The following CNTN4 variants were observed in gnomAD, a reference collection of about 807,000 sequenced individuals.
The protein encoded by CNTN4 is contactin-4.
In CNTN4, 77 loss-of-function variants were observed where a neutral mutation model predicts 122.5. The ratio of observed to expected loss-of-function variants is 0.63; its 90% CI spans 0.52 to 0.76. The LOEUF (loss-of-function observed/expected upper bound fraction) is 0.76, where lower values mean the gene tolerates loss of function less well. Ranked by LOEUF, CNTN4 falls within the 30% of genes least tolerant of loss-of-function variation. The probability of loss-of-function intolerance (pLI) is 0.00; values close to 1 mark genes in which losing one functional copy is unlikely to be tolerated. For missense variants in CNTN4, 1,256 were observed against 1,259.1 expected (o/e 1.00, Z 0.04); for synonymous variants, 512 against 447.0 (o/e 1.15, Z -1.83).
chr3:2,318,522 C>G (rs1335872033), intron 2 of CNTN4, among the ~76,000 whole-genome samples: 1 of 152,168 alleles, frequency 6.6e-6, no homozygotes, highest in Non-Finnish European at 1.5e-5. Flanking sequence ...TTGTATATTA[C>G]TCTCCTCCTA....
intron 3 of CNTN4, among the ~76,000 whole-genome samples, chr3:2,552,234 A>G (rs1024051390): frequency 1.3e-5 from 2 of 152,204 alleles, no homozygotes; most frequent in African/African-American, 4.8e-5. Context: ...AACAAAAAAC[A>G]AGAACATTCA....
chr3:2,233,324 A>G (rs969952576), intron 2 of CNTN4, among the ~76,000 whole-genome samples: 1 of 152,124 alleles, frequency 6.6e-6, no homozygotes, highest in African/African-American at 2.4e-5. Context: ...GGCATTCTCC[A>G]CTGGAAACAC....
At chr3:2,455,307 C>A (rs1253594580) in intron 3 of CNTN4, among the ~76,000 whole-genome samples, 4 of 152,180 alleles carry the variant, frequency 2.6e-5, no homozygotes, top group African/African-American at 9.6e-5. Flanking sequence ...ATTGATTGTT[C>A]TGAAGGCTAC....
At chr3:2,754,006 A>G (rs2090216931) in intron 6 of CNTN4, among the ~76,000 whole-genome samples, 1 of 152,230 alleles carries the variant, frequency 6.6e-6, no homozygotes, top group Non-Finnish European at 1.5e-5. Context: ...TAGGCTGTAA[A>G]GCATTTTGAA....
chr3:2,791,528 G>A (rs2092009783), intron 6 of CNTN4, among the ~76,000 whole-genome samples: 1 of 111,694 alleles, frequency 9.0e-6, no homozygotes, highest in African/African-American at 3.1e-5. Flanking sequence ...GTGAGATCCT[G>A]TCTCAAAAAA....
At chr3:2,558,570 A>G (rs1054155861) in intron 3 of CNTN4, among the ~76,000 whole-genome samples, 2 of 152,134 alleles carry the variant, frequency 1.3e-5, no homozygotes, top group East Asian at 1.9e-4. Flanking sequence ...ACACGAGGCC[A>G]GTATGTCTTA....
intron 2 of CNTN4, among the ~76,000 whole-genome samples, chr3:2,272,676 G>C (rs1031097765): frequency 6.6e-6 from 1 of 152,058 alleles, no homozygotes; most frequent in East Asian, 1.9e-4. Flanking sequence ...AGGCGTCTTT[G>C]AGCCCCTCAA....
chr3:2,969,515 G>GGATTATTATTATTATTAT lies in CNTN4; in HGVS notation c.1359-18829_1359-18812dup, dbSNP rs1553710701. 2.0e-3 allele frequency among the ~76,000 whole-genome samples: 290 copies of GGATTATTATTATTATTAT among 143,698 alleles called. 3 individuals are homozygous for GGATTATTATTATTATTAT. The highest frequency in any genetic ancestry group is 6.7e-3 in the African/African-American group (265 of 39,576). 94.3% of individuals were successfully genotyped at this position (143,698 alleles called of 152,430 possible). A position where few individuals can be genotyped will look rare whatever the true frequency, so the allele number is the denominator to read the frequency against. ...GACATGATTTCCCAAAGGAAAATTG[G>GGATTATTATTATTATTAT]GATTATTATTATTATTATTATTATT... On this transcript the variant is annotated intron_variant, in intron 13 of 24. Coordinates refer to ENST00000418658, the MANE Select transcript of CNTN4 (RefSeq NM_175607.3).
intron 3 of CNTN4, among the ~76,000 whole-genome samples, chr3:2,393,771 C>T (rs1465784708): frequency 6.6e-6 from 1 of 152,014 alleles, no homozygotes; most frequent in Non-Finnish European, 1.5e-5. Flanking sequence ...AGGAAAGAAT[C>T]ATTGTAAGTC....
At chr3:2,651,513 C>T (rs1390871296) in intron 4 of CNTN4, among the ~76,000 whole-genome samples, 4 of 151,922 alleles carry the variant, frequency 2.6e-5, no homozygotes, top group African/African-American at 9.7e-5. Flanking sequence ...CTGGGTGTTA[C>T]ACTGAAAAAA....
chr3:2,775,063 G>C lies in CNTN4; in HGVS notation c.358+29366G>C, dbSNP rs1576741988. 2.0e-5 allele frequency among the ~76,000 whole-genome samples: 3 copies of C among 152,316 alleles called. No homozygotes were observed. In the South Asian group the frequency reaches 6.2e-4, roughly 32 times the overall value. The stretch of plus-strand genomic sequence containing the variant: ...TATTCATCATATGCTCTGTGGGACA[G>C]TCATGACTTTCCAGCAGACATAAGT... On this transcript the variant is annotated intron_variant, in intron 6 of 24. Transcript: ENST00000418658.
At chr3:2,830,904 G>C (rs781345413) in intron 7 of CNTN4, among the ~76,000 whole-genome samples, 1 of 152,160 alleles carries the variant, frequency 6.6e-6, no homozygotes, top group Admixed American at 6.5e-5. Flanking sequence ...ATAAGGAAAT[G>C]CTGACTGAGT....
chr3:2,482,194 A>G (rs1175806706), intron 3 of CNTN4, among the ~76,000 whole-genome samples: 1 of 152,180 alleles, frequency 6.6e-6, no homozygotes, highest in Non-Finnish European at 1.5e-5. Context: ...AATGAAGTCC[A>G]GTCTGAGGTC....
rs140381037 is a variant in CNTN4, at chr3:2,722,202, A to G, written c.56-14013A>G. Among the ~76,000 whole-genome samples the G allele has an allele frequency of 6.1e-3, 933 of 152,314 alleles. 6 individuals carry two copies. Among genetic ancestry groups the G allele is most frequent in the African/African-American group, 0.022 (894 of 41,576 alleles). On this transcript the variant is annotated intron_variant, in intron 4 of 24. Coordinates refer to ENST00000418658, the MANE Select transcript of CNTN4 (RefSeq NM_175607.3). Reference sequence around the variant, plus strand: ...CTTTCTTGATATACTTAACTTCACAATACGAATGACCTTTCAACAAGCTAT... The same window carrying G: ...CTTTCTTGATATACTTAACTTCACAGTACGAATGACCTTTCAACAAGCTAT...
intron 14 of CNTN4, among the ~76,000 whole-genome samples, chr3:3,015,653 T>C (rs1227128409): frequency 6.6e-6 from 1 of 152,172 alleles, no homozygotes; most frequent in Non-Finnish European, 1.5e-5. Flanking sequence ...AGGGACACTC[T>C]CCTTCTGCTG....
At position 2,358,113 on chromosome 3, in the gene CNTN4, A is replaced by C. The variant is rs371414310; in HGVS notation, c.-89+18880A>C. On this transcript the variant is annotated intron_variant, in intron 3 of 24. Coordinates refer to ENST00000418658, the MANE Select transcript of CNTN4 (RefSeq NM_175607.3). ...AACTGCAGCAAAATCATTTCTTTTG[A>C]TTTCTAACAATTTCTTCTAGCCTTA... Among the ~76,000 whole-genome samples, 13 of 152,260 alleles carry C rather than the reference A, an allele frequency of 8.5e-5. No homozygotes were observed. The East Asian group carries it at 1.5e-3, about 18-fold the overall frequency.
At chr3:2,565,558 T>A (rs948635687) in intron 3 of CNTN4, among the ~76,000 whole-genome samples, 1 of 152,186 alleles carries the variant, frequency 6.6e-6, no homozygotes, top group African/African-American at 2.4e-5. Flanking sequence ...ATAAACTATA[T>A]CTTGTATGGT....
intron 12 of CNTN4, among the ~76,000 whole-genome samples, chr3:2,917,932 A>G (rs909843540): frequency 6.6e-6 from 1 of 151,908 alleles, no homozygotes; most frequent in African/African-American, 2.4e-5. Context: ...GAAGAAGAGC[A>G]TTGGCACCAA....
At chr3:2,288,843 A>G (rs2149977156) in intron 2 of CNTN4, among the ~76,000 whole-genome samples, 1 of 152,300 alleles carries the variant, frequency 6.6e-6, no homozygotes, top group Non-Finnish European at 1.5e-5. Flanking sequence ...TAAATTAGAG[A>G]AAAGAGGGAT....
Sources: gnomAD v4.1 joint callset for allele counts (sites outside exome capture counted in the v4.1 genomes callset) on GRCh38, gnomAD v4.1.1 for gene constraint, MANE v1.5 for transcripts, NCBI Gene and HGNC (gene_info 2026-07-23, HGNC 2026-07-21) for gene names.